Variants in STK32C observed in about 807,000 individuals in gnomAD.
STK32C encodes the protein serine/threonine-protein kinase 32C.
STK32C carries 31 observed loss-of-function variants against 56.5 expected under a neutral mutation model. That is an observed-to-expected ratio of 0.55 (90% CI 0.41 to 0.74). STK32C has a LOEUF of 0.74. STK32C is among the 30% of genes least tolerant of loss of function. The pLI, the probability that STK32C is intolerant of heterozygous loss-of-function variation, is 0.00. For missense variants in STK32C, 544 were observed against 676.9 expected (o/e 0.80, Z 2.18); for synonymous variants, 309 against 289.4 (o/e 1.07, Z -0.69).
At chr10:132,271,082 C>G (rs1288287193) in intron 1 of STK32C, among the ~76,000 whole-genome samples, 1 of 152,096 alleles carries the variant, frequency 6.6e-6, no homozygotes. Flanking sequence ...CAAAGTGACT[C>G]AAAGACGCAA....
chr10:132,307,990 GC>G (rs1320481172), upstream of STK32C: 22 of 990,124 alleles, frequency 2.2e-5, no homozygotes, highest in Non-Finnish European at 2.6e-5. The surrounding 1 kb of genome is among the most constrained non-coding windows in gnomAD (Gnocchi z 4.4). Context: ...AGCGCTGGGG[GC>G]GGGGCAGGGG....
At chr10:132,229,410 T>A (rs1052157579) in intron 2 of STK32C, among the ~76,000 whole-genome samples, 4 of 152,126 alleles carry the variant, frequency 2.6e-5, no homozygotes, top group African/African-American at 9.7e-5. Flanking sequence ...GAAGGGAGGA[T>A]TGCTTGAGCC....
chr10:132,302,377 G>A (rs1328234289), intron 1 of STK32C, among the ~76,000 whole-genome samples: 1 of 152,200 alleles, frequency 6.6e-6, no homozygotes, highest in Non-Finnish European at 1.5e-5. Flanking sequence ...AGTAGGTCCC[G>A]AGTCCATTCT....
Position 132,207,888 on chromosome 10 carries a change from A to G in STK32C, c.*122T>C, listed in dbSNP as rs1399630828. The G allele has an allele frequency of 8.8e-7, 1 of 1,142,078 alleles. No homozygotes were observed. Among genetic ancestry groups the G allele is most frequent in the Non-Finnish European group, 1.1e-6 (1 of 901,246 alleles). 70.7% of individuals were successfully genotyped at this position (1,142,078 alleles called of 1,614,324 possible). The stretch of plus-strand genomic sequence containing the variant: ...CTGAGGTGTGAAATGTGTCCGGGGC[A>G]CTGTGGGCACCGCCAGCCAGGCTGG... On this transcript the variant is annotated 3_prime_UTR_variant, in exon 12 of 12. Coordinates refer to ENST00000298630, the MANE Select transcript of STK32C (RefSeq NM_173575.4).
At chr10:132,238,149 C>T (rs989122290) in intron 2 of STK32C, among the ~76,000 whole-genome samples, 5 of 152,154 alleles carry the variant, frequency 3.3e-5, no homozygotes, top group African/African-American at 9.7e-5. Flanking sequence ...GGCCAGGGCA[C>T]GGGGCAGCCT....
exon 2 of STK32C, chr10:132,324,359 G>A (rs1459043127): frequency 2.6e-6 from 2 of 778,858 alleles, no homozygotes; most frequent in East Asian, 2.4e-5. Context: ...GTCCTGGGGT[G>A]TGCTCTCAGA....
At chr10:132,268,679 CTA>C (rs1227908217) in intron 1 of STK32C, among the ~76,000 whole-genome samples, 3 of 141,248 alleles carry the variant, frequency 2.1e-5, no homozygotes, top group Non-Finnish European at 4.6e-5. Flanking sequence ...AGGTTCAGCT[CTA>C]TGCCTGTCTG....
At chr10:132,296,911 G>A (rs1413912147) in intron 1 of STK32C, among the ~76,000 whole-genome samples, 1 of 152,252 alleles carries the variant, frequency 6.6e-6, no homozygotes, top group Non-Finnish European at 1.5e-5. Context: ...GGAAAGGAGT[G>A]TCAGGGCCAG....
intron 1 of STK32C, among the ~76,000 whole-genome samples, chr10:132,251,459 C>T (rs989386535): frequency 6.6e-6 from 1 of 152,176 alleles, no homozygotes; most frequent in Non-Finnish European, 1.5e-5. Flanking sequence ...CTTCCTTATA[C>T]ACAGAGCCTA....
intron 1 of STK32C, among the ~76,000 whole-genome samples, chr10:132,301,498 G>A (rs1300650352): frequency 6.6e-6 from 1 of 152,182 alleles, no homozygotes; most frequent in African/African-American, 2.4e-5. Flanking sequence ...TAGGTGTGGG[G>A]GTCCCCGGGG....
At chr10:132,243,894 C>G (rs936515864) in intron 2 of STK32C, among the ~76,000 whole-genome samples, 1 of 152,166 alleles carries the variant, frequency 6.6e-6, no homozygotes, top group African/African-American at 2.4e-5. Flanking sequence ...ACAGGTGGCT[C>G]AAACACTGGC....
chr10:132,220,925 C>T (rs1356337209), intron 10 of STK32C, among the ~76,000 whole-genome samples: 3 of 152,218 alleles, frequency 2.0e-5, no homozygotes, highest in Non-Finnish European at 4.4e-5. Context: ...TTCACCTTAC[C>T]CGCTGCCTAG....
chr10:132,207,855 C>A lies in STK32C; in HGVS notation c.*155G>T. ...CCACAGCCTCTTGTCCCCTGCACCA[C>A]CACGAGCCTGAGGTGTGAAATGTGT... On this transcript the variant is annotated 3_prime_UTR_variant, in exon 12 of 12. Coordinates refer to ENST00000298630, the MANE Select transcript of STK32C (RefSeq NM_173575.4). 1.1e-6 allele frequency: 1 copy of A among 932,380 alleles called. No individual in the cohort carries two copies. Among genetic ancestry groups the A allele is most frequent in the Non-Finnish European group, 1.4e-6 (1 of 714,088 alleles). 57.8% of individuals were successfully genotyped at this position (932,380 alleles called of 1,614,324 possible). A position where few individuals can be genotyped will look rare whatever the true frequency, so the allele number is the denominator to read the frequency against.
chr10:132,234,121 G>A (rs987129265), intron 2 of STK32C, among the ~76,000 whole-genome samples: 1 of 152,152 alleles, frequency 6.6e-6, no homozygotes, highest in Non-Finnish European at 1.5e-5. Flanking sequence ...TCTCCCACTT[G>A]GGGATAACCA....
chr10:132,259,855 G>A (rs1347132381), intron 1 of STK32C, among the ~76,000 whole-genome samples: 3 of 152,226 alleles, frequency 2.0e-5, no homozygotes, highest in Non-Finnish European at 4.4e-5. Flanking sequence ...TTTCTGGGAT[G>A]TGCCCTCACA....
chr10:132,245,330 G>T (rs1050946992), intron 2 of STK32C, among the ~76,000 whole-genome samples: 1 of 152,172 alleles, frequency 6.6e-6, no homozygotes, highest in Non-Finnish European at 1.5e-5. Flanking sequence ...CCTTTTCCGA[G>T]TGCTCGTTAA....
intron 2 of STK32C, among the ~76,000 whole-genome samples, chr10:132,235,252 C>A (rs1273108222): frequency 2.0e-5 from 3 of 152,120 alleles, no homozygotes; most frequent in African/African-American, 7.2e-5. Context: ...AATCTCAATA[C>A]TTTGAGAGGC....
chr10:132,294,334 A>G (rs1220677331), intron 1 of STK32C, among the ~76,000 whole-genome samples: 2 of 152,118 alleles, frequency 1.3e-5, no homozygotes, highest in Non-Finnish European at 2.9e-5. Flanking sequence ...CTGGGAACAG[A>G]GCACAGCCAC....
chr10:132,331,301 T>G, intron 1 of STK32C: 1 of 867,116 alleles, frequency 1.2e-6, no homozygotes, highest in Non-Finnish European at 1.7e-6. Flanking sequence ...GTGCTACTTT[T>G]CATTATCAGT....
Sources: gnomAD v4.1 joint callset for allele counts (sites outside exome capture counted in the v4.1 genomes callset) on GRCh38, gnomAD v4.1.1 for gene constraint, Gnocchi (gnomAD v3.1) non-coding constraint, MANE v1.5 for transcripts, NCBI Gene and HGNC (gene_info 2026-07-23, HGNC 2026-07-21) for gene names.